HLA-DRB1: variants seen among roughly 807,000 people sequenced by gnomAD.
HLA-DRB1 encodes major histocompatibility complex, class II, DR beta 1 precursor.
HLA-DRB1 carries 10 observed loss-of-function variants against 27.9 expected under a neutral mutation model. The observed-to-expected ratio is 0.36, with a 90% confidence interval of 0.22 to 0.61. The LOEUF is 0.61. Among genes scored for constraint, HLA-DRB1 ranks in the 20% least tolerant of loss-of-function variants. The probability of loss-of-function intolerance (pLI) is 0.73; values close to 1 mark genes in which losing one functional copy is unlikely to be tolerated. For missense variants in HLA-DRB1, 118 were observed against 306.3 expected (o/e 0.39, Z 4.59); for synonymous variants, 57 against 126.7 (o/e 0.45, Z 3.69).
intron 2 of HLA-DRB1, among the ~76,000 whole-genome samples, chr6:32,582,173 C>G (rs1229660360): frequency 8.6e-6 from 1 of 115,828 alleles, no homozygotes; most frequent in African/African-American, 3.7e-5. Context: ...CCAAGGTCTG[C>G]CTTTTACTGG....
At chr6:32,583,479 A>C (rs34489260) in intron 2 of HLA-DRB1, among the ~76,000 whole-genome samples, 124 of 39,128 alleles carry the variant, frequency 3.2e-3, no homozygotes, top group Admixed American at 5.0e-3. Flanking sequence ...AAATATACAC[A>C]CTGAAAAAAA....
chr6:32,585,681 A>G (rs1416855551), intron 1 of HLA-DRB1, among the ~76,000 whole-genome samples: 3 of 118,150 alleles, frequency 2.5e-5, no homozygotes, highest in Non-Finnish European at 3.4e-5. Context: ...CATAGGGCAG[A>G]AACACTGGTT....
At chr6:32,588,906 G>A (rs9270225) in intron 1 of HLA-DRB1, among the ~76,000 whole-genome samples, 74,899 of 109,938 alleles carry the variant, frequency 0.68, 27,667 homozygotes, top group Middle Eastern at 0.85. Context: ...GATTCATAAT[G>A]AACACGAACC....
chr6:32,588,848 A>G (rs9270219), intron 1 of HLA-DRB1, among the ~76,000 whole-genome samples: 492 of 118,472 alleles, frequency 4.2e-3, no homozygotes, highest in Middle Eastern at 0.017. Context: ...ATGTCTAGTT[A>G]GAGCACATAG....
At chr6:32,589,207 C>T (rs147492518) in intron 1 of HLA-DRB1, among the ~76,000 whole-genome samples, 24,726 of 100,548 alleles carry the variant, frequency 0.25, 1,016 homozygotes, top group Middle Eastern at 0.36. Context: ...CACCAAAGGT[C>T]CTGTGGGGAA....
intron 1 of HLA-DRB1, among the ~76,000 whole-genome samples, chr6:32,588,817 A>G (rs28724211): frequency 5.5e-3 from 580 of 104,872 alleles, no homozygotes; most frequent in Middle Eastern, 0.034. Context: ...TAATTTATAC[A>G]TTAGTTAAAT....
intron 1 of HLA-DRB1, among the ~76,000 whole-genome samples, chr6:32,584,822 G>A (rs1366673141): frequency 8.8e-6 from 1 of 113,694 alleles, no homozygotes; most frequent in Non-Finnish European, 1.8e-5. Flanking sequence ...GGCCTGCGCT[G>A]CCTCTAGGAA....
At chr6:32,581,991 G>C (rs1775601999) in intron 2 of HLA-DRB1, among the ~76,000 whole-genome samples, 153 bp from the exon 3 acceptor site, 1 of 143,576 alleles carries the variant, frequency 7.0e-6, no homozygotes, top group Admixed American at 7.1e-5. Flanking sequence ...CATCAGCCTG[G>C]AATTTAATCT....
At chr6:32,583,017 TCCAC>T (rs368671861) in intron 2 of HLA-DRB1, among the ~76,000 whole-genome samples, 9,068 of 124,396 alleles carry the variant, frequency 0.073, 1 homozygote, top group Admixed American at 0.12. Flanking sequence ...ATTTTCAAAA[TCCAC>T]ATACAAACCA....
exon 3 of HLA-DRB1, chr6:32,581,799 G>A: frequency 6.5e-7 from 1 of 1,539,048 alleles, no homozygotes; most frequent in South Asian, 1.1e-5. Flanking sequence ...GTGCTGCAGG[G>A]GCTGGGTCTT....
chr6:32,586,684 T>C, intron 1 of HLA-DRB1, among the ~76,000 whole-genome samples: 1 of 78,198 alleles, frequency 1.3e-5, no homozygotes, highest in Non-Finnish European at 2.5e-5. Flanking sequence ...ACCATGAGTC[T>C]CTTAAATGCC....
At chr6:32,587,648 T>C (rs17210013) in intron 1 of HLA-DRB1, among the ~76,000 whole-genome samples, 2,374 of 76,554 alleles carry the variant, frequency 0.031, no homozygotes, top group Non-Finnish European at 0.039. Context: ...TGTCTACTTA[T>C]TTTGTTGTCT....
chr6:32,584,243 A>G lies in HLA-DRB1; in HGVS notation c.236T>C (p.Val79Ala), dbSNP rs17885908. ...AGCGTCAGGCCGCCCCAGCTCCGTC[A>G]CCGCCCGGAACTCCCCCACGTCGCT... is the stretch of plus-strand genomic sequence containing the variant. The change falls in exon 2 of 6, where the codon GTG becomes GCG. Residue 79 changes from valine (V) to alanine (A), a missense_variant. Physicochemically the swap from Val to Ala is moderately conservative, Grantham distance 64. This residue lies in a region of HLA-DRB1 where 42 missense variants were observed against 104.2 expected (regional missense o/e 0.40). Transcript: ENST00000360004. The G allele has an allele frequency of 1.1e-3, 1,644 of 1,515,588 alleles. 222 individuals are homozygous for G. In the South Asian group the frequency reaches 0.018, roughly 17 times the overall value. The allele number at this position is 1,515,588 out of a possible 1,614,324, so 93.9% of individuals were successfully genotyped here. A position where few individuals can be genotyped will look rare whatever the true frequency, so the allele number is the denominator to read the frequency against.
chr6:32,587,833 GT>G (rs1375928923), intron 1 of HLA-DRB1, among the ~76,000 whole-genome samples: 2 of 134,810 alleles, frequency 1.5e-5, no homozygotes, highest in Non-Finnish European at 3.2e-5. Context: ...CTACTCTTGT[GT>G]AACTTCCATG....
At chr6:32,587,610 G>T (rs35791003) in intron 1 of HLA-DRB1, among the ~76,000 whole-genome samples, 1 of 71,152 alleles carries the variant, frequency 1.4e-5, no homozygotes, top group African/African-American at 6.4e-5. Context: ...GGTCTCCCTG[G>T]AACTTTCATC....
Position 32,581,236 on chromosome 6 carries a change from A to G in HLA-DRB1, c.652+321T>C, listed in dbSNP as rs200053198. Among the ~76,000 whole-genome samples, 843 of 102,304 alleles carry G rather than the reference A, an allele frequency of 8.2e-3. 59 individuals are homozygous for G. Among genetic ancestry groups the G allele is most frequent in the South Asian group, 0.028 (84 of 3,046 alleles). The allele number at this position is 102,304 out of a possible 152,430, so 67.1% of individuals were successfully genotyped here. On this transcript the variant is annotated intron_variant, in intron 3 of 5. Coordinates refer to ENST00000360004, the Ensembl canonical transcript of HLA-DRB1. ...TCCCAGATCACAAAAAATAACTCAG[A>G]GCAACAGCACCAGAAACTCAGTCTC... is the stretch of plus-strand genomic sequence containing the variant.
At chr6:32,588,591 T>G in intron 1 of HLA-DRB1, among the ~76,000 whole-genome samples, 1 of 65,710 alleles carries the variant, frequency 1.5e-5, no homozygotes, top group Non-Finnish European at 3.1e-5. Flanking sequence ...ACATGGCTAG[T>G]TAAGGAAAGC....
At chr6:32,582,503 A>AT (rs9281869) in intron 2 of HLA-DRB1, among the ~76,000 whole-genome samples, 49,365 of 84,614 alleles carry the variant, frequency 0.58, 15,964 homozygotes, top group Middle Eastern at 0.74. Flanking sequence ...CCAAGTATGA[A>AT]TTTTAGGAAT....
intron 1 of HLA-DRB1, among the ~76,000 whole-genome samples, chr6:32,589,296 T>C (rs1777009848): frequency 6.7e-6 from 1 of 148,468 alleles, no homozygotes; most frequent in Non-Finnish European, 1.5e-5. Context: ...CCTCCTTTTG[T>C]CTGACATAAG....
Sources: allele counts gnomAD v4.1 joint callset (sites outside exome capture counted in the v4.1 genomes callset), GRCh38; gene constraint gnomAD v4.1.1; regional missense constraint gnomAD v4.1.1; transcripts MANE v1.5; gene names NCBI Gene and HGNC (gene_info 2026-07-23, HGNC 2026-07-21).